Variants in CENPL observed in about 807,000 individuals in gnomAD.
CENPL encodes interphase centromere complex protein 33.
A neutral mutation model predicts 35.2 loss-of-function variants in CENPL; 20 were observed. The observed-to-expected ratio is 0.57, with a 90% CI of 0.40 to 0.83. CENPL has a LOEUF of 0.83. Among genes scored for constraint, CENPL ranks in the 40% least tolerant of loss-of-function variants. The pLI, the probability that CENPL is intolerant of heterozygous loss-of-function variation, is 0.00. For missense variants in CENPL, 363 were observed against 395.8 expected (o/e 0.92, Z 0.70); for synonymous variants, 140 against 140.6 (o/e 1.00, Z 0.03).
chr1:173,807,877 T>G (rs1344217037), intron 3 of CENPL, among the ~76,000 whole-genome samples: 1 of 152,202 alleles, frequency 6.6e-6, no homozygotes, highest in African/African-American at 2.4e-5. Flanking sequence ...CTACCCAACA[T>G]TATATTCTTG....
intron 2 of CENPL, among the ~76,000 whole-genome samples, chr1:173,820,805 A>G (rs2102615535): frequency 6.6e-6 from 1 of 152,344 alleles, no homozygotes; most frequent in Admixed American, 6.5e-5. Context: ...TCACATATAA[A>G]ATTTCATACA....
chr1:173,803,110 A>G lies in CENPL; in HGVS notation c.816T>C (p.Pro272=). 3 of 1,614,172 alleles carry G rather than the reference A, an allele frequency of 1.9e-6. No individual in the cohort carries two copies. Among genetic ancestry groups the G allele is most frequent in the Non-Finnish European group, 2.5e-6 (3 of 1,179,982 alleles). The stretch of plus-strand genomic sequence containing the variant: ...CAACTTCTTCCTGGGTAACCTCCCC[A>G]GGTGTTTTGTGGACACTGTCCCATA... ...KALWDSVHKT[P]GEVTQEEVDL... is the part of the protein sequence containing the mutation. The change falls in exon 5 of 6, where the codon CCT becomes CCC. Residue 272 remains proline, a synonymous_variant. Coordinates refer to ENST00000682279, the MANE Select transcript of CENPL (RefSeq NM_001387287.1).
chr1:173,803,288 A>G lies in CENPL; in HGVS notation c.638T>C (p.Ile213Thr). The G allele has an allele frequency of 6.2e-7, 1 of 1,613,540 alleles. No homozygotes were observed. The highest frequency in any genetic ancestry group is 8.5e-7 in the Non-Finnish European group (1 of 1,179,446). The change falls in exon 5 of 6, where the codon ATC becomes ACC. Residue 213 changes from isoleucine to threonine, a missense_variant. By Grantham distance (89) the Ile-to-Thr change is moderately conservative. Coordinates refer to ENST00000682279, the MANE Select transcript of CENPL (RefSeq NM_001387287.1). ...CATCCAGGAAAGATTAAATGCATTG[A>G]TTGCTAAAGGACTGAAATAACAGTC... The part of the protein sequence containing the change: ...TFDCYFSPLA[I>T]NAFNLSWMAA...
At chr1:173,812,884 A>G (rs955299480) in intron 2 of CENPL, among the ~76,000 whole-genome samples, 2 of 152,206 alleles carry the variant, frequency 1.3e-5, no homozygotes, top group African/African-American at 4.8e-5. Flanking sequence ...TCAGAGCTAA[A>G]GGAGCATGTT....
chr1:173,804,823 C>T (rs1571957835), intron 4 of CENPL, among the ~76,000 whole-genome samples: 1 of 152,104 alleles, frequency 6.6e-6, no homozygotes, highest in African/African-American at 2.4e-5. Context: ...ACATGCCTTC[C>T]GGATACTCAA....
chr1:173,800,750 CCAGCCTGGG>C (rs1649668974), intron 5 of CENPL, among the ~76,000 whole-genome samples: 1 of 151,514 alleles, frequency 6.6e-6, no homozygotes, highest in African/African-American at 2.4e-5. Flanking sequence ...CAGTTCAAGA[CCAGCCTGGG>C]CAACAAAGGG....
chr1:173,813,949 C>T (rs1451017604), intron 2 of CENPL, among the ~76,000 whole-genome samples: 1 of 152,052 alleles, frequency 6.6e-6, no homozygotes, highest in African/African-American at 2.4e-5. Flanking sequence ...TGCAGAGACA[C>T]ACATACGCTC....
In CENPL at chr1:173,824,559, T is replaced by C. The variant is rs1318716753; in HGVS notation, c.-449A>G. 4 of 154,320 alleles carry C rather than the reference T, an allele frequency of 2.6e-5. No individual in the cohort carries two copies. The highest frequency in any genetic ancestry group is 4.3e-5 in the Non-Finnish European group (3 of 69,274). The allele number at this position is 154,320 out of a possible 1,614,324, so 9.6% of individuals were successfully genotyped here. On this transcript the variant is annotated 5_prime_UTR_variant, in exon 1 of 6. Coordinates refer to ENST00000682279, the MANE Select transcript of CENPL (RefSeq NM_001387287.1). ...GTGCTCGGTTGCTCCTCAGTTTTCC[T>C]ACCGGTGCGAAGCTTTCTCTCAAAT... is the stretch of plus-strand genomic sequence containing the variant.
chr1:173,806,453 A>G (rs1034084526), intron 4 of CENPL: 1 of 446,092 alleles, frequency 2.2e-6, no homozygotes, highest in African/African-American at 2.0e-5. Context: ...GTGTGGTGGC[A>G]TGCACCTGCA....
At position 173,807,483 on chromosome 1, in the gene CENPL, C is replaced by A; in HGVS notation, c.204G>T (p.Leu68=). ...DVDPQKVAFL[L]HKQWTLYSLT... is the part of the protein sequence containing the mutation. Reference sequence around the variant, plus strand: ...AACTATATAAAGTCCACTGTTTATGCAGAAGGAATGCAACCTTTTGAGGGT... The same window carrying A: ...AACTATATAAAGTCCACTGTTTATGAAGAAGGAATGCAACCTTTTGAGGGT... The change falls in exon 4 of 6, where the codon CTG becomes CTT. Residue 68 remains leucine, a synonymous_variant. Coordinates refer to ENST00000682279, the MANE Select transcript of CENPL (RefSeq NM_001387287.1). 2 of 1,546,196 alleles carry A rather than the reference C, an allele frequency of 1.3e-6. No homozygotes were observed. The highest frequency in any genetic ancestry group is 1.8e-6 in the Non-Finnish European group (2 of 1,141,282).
chr1:173,822,054 C>G (rs376743242), intron 2 of CENPL: 2 of 152,142 alleles, frequency 1.3e-5, no homozygotes, highest in Non-Finnish European at 2.9e-5. Flanking sequence ...GTATTTCTAA[C>G]ATTAAAAATT....
chr1:173,814,039 A>T (rs1651112286), intron 2 of CENPL, among the ~76,000 whole-genome samples: 1 of 152,182 alleles, frequency 6.6e-6, no homozygotes, highest in African/African-American at 2.4e-5. Context: ...AATCTCTGAT[A>T]AAACAGACTT....
intron 3 of CENPL, among the ~76,000 whole-genome samples, chr1:173,808,829 G>A (rs907301460): frequency 2.0e-5 from 3 of 152,044 alleles, no homozygotes; most frequent in African/African-American, 7.2e-5. Context: ...ATAGGTACAG[G>A]CAAAGATTTC....
chr1:173,809,662 C>G (rs1650612206), intron 3 of CENPL, among the ~76,000 whole-genome samples: 1 of 149,032 alleles, frequency 6.7e-6, no homozygotes, highest in Non-Finnish European at 1.5e-5. Context: ...AGGACATAAG[C>G]AGACACTTCT....
rs375824385 is a variant in CENPL at position 173,816,538 on chromosome 1, C to T, written c.-7-5232G>A. Among the ~76,000 whole-genome samples the T allele has an allele frequency of 4.6e-5, 7 of 152,282 alleles. No homozygotes were observed. In the South Asian group the frequency reaches 8.3e-4, roughly 18 times the overall value. On this transcript the variant is annotated intron_variant, in intron 2 of 5. Transcript: ENST00000682279. ...CCTCAGAAATAACACCACACATCTACAACCATCTGATCTTTGACAAACCTG... is the reference window on the plus strand; with the variant it reads ...CCTCAGAAATAACACCACACATCTATAACCATCTGATCTTTGACAAACCTG...
At chr1:173,816,938 G>T (rs904738444) in intron 2 of CENPL, among the ~76,000 whole-genome samples, 43 of 152,204 alleles carry the variant, frequency 2.8e-4, no homozygotes, top group African/African-American at 1.0e-3. Flanking sequence ...AGGAGTTCGA[G>T]CCCAGCCTGG....
At chr1:173,810,099 T>C (rs763042432) in intron 3 of CENPL, among the ~76,000 whole-genome samples, 7 of 152,142 alleles carry the variant, frequency 4.6e-5, no homozygotes, top group South Asian at 2.1e-4. Context: ...AGCAAAGACA[T>C]GGAATCAACC....
rs1359517197 is a variant in CENPL, at chr1:173,816,317, G to C, written c.-7-5011C>G. On this transcript the variant is annotated intron_variant, in intron 2 of 5. Coordinates refer to ENST00000682279, the MANE Select transcript of CENPL (RefSeq NM_001387287.1). Reference sequence around the variant, plus strand: ...CAAGCTACCAATGACTTTCTTCACAGAATTGGAAAAAACTACTTTAAAGTT... The same window carrying C: ...CAAGCTACCAATGACTTTCTTCACACAATTGGAAAAAACTACTTTAAAGTT... Among the ~76,000 whole-genome samples the C allele has an allele frequency of 5.9e-5, 9 of 152,112 alleles. No individual in the cohort carries two copies. In the South Asian group the frequency reaches 8.3e-4, roughly 14 times the overall value.
chr1:173,803,620 A>C (rs1216215343), intron 4 of CENPL, 115 bp from the exon 5 acceptor site: 1 of 943,684 alleles, frequency 1.1e-6, no homozygotes, highest in African/African-American at 1.7e-5. Flanking sequence ...CTTGCAAAAA[A>C]AAACATAGAG....
Sources: gnomAD v4.1 joint callset for allele counts (sites outside exome capture counted in the v4.1 genomes callset) on GRCh38, gnomAD v4.1.1 for gene constraint, MANE v1.5 for transcripts, NCBI Gene and HGNC (gene_info 2026-07-23, HGNC 2026-07-21) for gene names.